KRT71: variants seen among roughly 807,000 people sequenced by gnomAD.
KRT71 encodes keratin 71.
A neutral mutation model predicts 46.2 loss-of-function variants in KRT71; 42 were observed. That is an observed-to-expected ratio of 0.91 (90% CI 0.71 to 1.18). The LOEUF (loss-of-function observed/expected upper bound fraction) is 1.18. Ranked by LOEUF, KRT71 falls within the 50% of genes most tolerant of loss-of-function variation. The pLI is 0.00. For synonymous variants in KRT71, 292 were observed against 277.8 expected, an observed-to-expected ratio of 1.05 and a Z score of -0.51; for missense variants, 708 against 677.9, an observed-to-expected ratio of 1.04 and a Z score of -0.49.
chr12:52,546,637 G>T, intron 6 of KRT71, 131 bp from the exon 7 acceptor site: 1 of 871,436 alleles, frequency 1.1e-6, no homozygotes, highest in African/African-American at 1.7e-5. Context: ...ACACTTCCTT[G>T]CAGCAGAGCC....
At chr12:52,550,342 C>A in intron 1 of KRT71, 99 bp from the exon 2 acceptor site, 3 of 1,408,584 alleles carry the variant, frequency 2.1e-6, no homozygotes, top group South Asian at 2.6e-5. Flanking sequence ...ATTTTCTCCT[C>A]AATAGAGCTG....
chr12:52,544,400 G>A lies in KRT71; in HGVS notation c.*132C>T, dbSNP rs184835046. 1.2e-4 allele frequency: 99 copies of A among 858,306 alleles called. No homozygotes were observed. Among genetic ancestry groups the A allele is most frequent in the Middle Eastern group, 8.5e-4 (3 of 3,514 alleles). 53.2% of individuals were successfully genotyped at this position (858,306 alleles called of 1,614,324 possible). A position where few individuals can be genotyped will look rare whatever the true frequency, so the allele number is the denominator to read the frequency against. On this transcript the variant is annotated 3_prime_UTR_variant, in exon 9 of 9. Transcript: ENST00000267119. ...AGACACAGGCTGGGAGAAGTGGGTG[G>A]CCAAGGCCAGTGCCAGGTGTATGGG...
chr12:52,547,735 C>T, intron 6 of KRT71, 122 bp downstream of exon 6: 2 of 1,251,196 alleles, frequency 1.6e-6, no homozygotes, highest in Non-Finnish European at 2.2e-6. Flanking sequence ...AGGCAGCGAC[C>T]TCACTGGCCT....
chr12:52,552,997 GC>G lies in KRT71; in HGVS notation c.80del (p.Gly27AlafsTer111), dbSNP rs764884198. 4 of 1,613,764 alleles carry G rather than the reference GC, an allele frequency of 2.5e-6. No homozygotes were observed. Among genetic ancestry groups the G allele is most frequent in the South Asian group, 1.1e-5 (1 of 91,030 alleles). On this transcript the variant is annotated frameshift_variant, in exon 1 of 9. Transcript: ENST00000267119. LOFTEE classifies it high-confidence loss of function. ...TCCCTGCCCGGAAGGAGGATGAGCT[GC>G]CCCCTGAGAGCACAGCTGAGCAGCC... ...FSGCSAVLSG[G>X]SSSSFRAGSK... is the part of the protein sequence containing the mutation.
Position 52,548,717 on chromosome 12 carries a change from C to A in KRT71, c.797G>T (p.Arg266Met). 6.2e-7 allele frequency: 1 copy of A among 1,614,184 alleles called. No homozygotes were observed. Among genetic ancestry groups the A allele is most frequent in the Non-Finnish European group, 8.5e-7 (1 of 1,180,002 alleles). The change falls in exon 4 of 9, where the codon AGG (arginine) becomes ATG (methionine). Residue 266 changes from arginine to methionine, a missense_variant. By Grantham distance (91) the Arg-to-Met change is moderately conservative. Coordinates refer to ENST00000267119, the MANE Select transcript of KRT71 (RefSeq NM_033448.3). ...CAGACTTACGGCTTCAAAGAGACAC[C>A]TGAAGAACTTGATCTCCTGGTCCAT... Reference protein sequence around the residue: ...ESMDQEIKFFRCLFEAEITQI... With the variant: ...ESMDQEIKFFMCLFEAEITQI...
chr12:52,548,284 G>A lies in KRT71; in HGVS notation c.846C>T (p.Asp282=). The A allele has an allele frequency of 6.2e-7, 1 of 1,613,798 alleles. No homozygotes were observed. The highest frequency in any genetic ancestry group is 8.5e-7 in the Non-Finnish European group (1 of 1,179,768). The change falls in exon 5 of 9, where the codon GAC becomes GAT. Residue 282 remains aspartate, a synonymous_variant. Transcript: ENST00000267119. The part of the protein sequence containing the change: ...EITQIQSHIS[D]MSVILSMDNN... ...TGTCCATGGACAGGATGACAGACAT[G>A]TCACTGATGTGGGACTGGATCTGAG...
rs1939200310 is a variant in KRT71 at position 52,552,964 on chromosome 12, C to G, written c.114G>C (p.Gly38=). Residue 38 remains glycine, a synonymous_variant, in exon 1 of 9, where the codon GGG becomes GGC. Transcript: ENST00000267119. ...SSSSFRAGSK[G]LSGGFGSRSL... is the part of the protein sequence containing the mutation. The stretch of plus-strand genomic sequence containing the variant: ...TCCGGCTGCCAAAGCCCCCACTGAG[C>G]CCTTTGCTCCCTGCCCGGAAGGAGG... 1.2e-6 allele frequency: 2 copies of G among 1,614,064 alleles called. No homozygotes were observed. Among genetic ancestry groups the G allele is most frequent in the Admixed American group, 3.3e-5 (2 of 60,008 alleles).
At chr12:52,549,044 T>A (rs1939112939) in intron 3 of KRT71, among the ~76,000 whole-genome samples, 1 of 152,226 alleles carries the variant, frequency 6.6e-6, no homozygotes, top group Non-Finnish European at 1.5e-5. Context: ...CCCTCAGTGT[T>A]GTCCTCTGTA....
chr12:52,551,896 C>G (rs1003109793), intron 1 of KRT71, among the ~76,000 whole-genome samples: 2 of 152,206 alleles, frequency 1.3e-5, no homozygotes, highest in African/African-American at 4.8e-5. Flanking sequence ...TTCCCTCCCC[C>G]ACATTCCAGA....
In KRT71 at chr12:52,548,757, C is replaced by A. The variant is rs550265027; in HGVS notation, c.757G>T (p.Ala253Ser). The change falls in exon 4 of 9, where the codon GCC becomes TCC. Residue 253 changes from alanine to serine, a missense_variant. Transcript: ENST00000267119. ...AAYANKVELQ[A>S]KVESMDQEIK... The stretch of plus-strand genomic sequence containing the variant: ...TCCTGGTCCATGGATTCCACCTTGG[C>A]CTGCAGTTCCACCTTATTGGCGTAA... 6.2e-7 allele frequency: 1 copy of A among 1,614,218 alleles called. No individual in the cohort carries two copies. The highest frequency in any genetic ancestry group is 8.5e-7 in the Non-Finnish European group (1 of 1,180,040).
At position 52,552,962 on chromosome 12, in the gene KRT71, A is replaced by G. The variant is rs751759889; in HGVS notation, c.116T>C (p.Leu39Pro). The G allele has an allele frequency of 1.9e-6, 3 of 1,614,018 alleles. No homozygotes were observed. Among genetic ancestry groups the G allele is most frequent in the African/African-American group, 1.3e-5 (1 of 74,930 alleles). ...SSSFRAGSKG[L>P]SGGFGSRSLY... ...GCTCCGGCTGCCAAAGCCCCCACTGAGCCCTTTGCTCCCTGCCCGGAAGGA... is the reference window on the plus strand; with the variant it reads ...GCTCCGGCTGCCAAAGCCCCCACTGGGCCCTTTGCTCCCTGCCCGGAAGGA... The change falls in exon 1 of 9, where the codon CTC becomes CCC. Residue 39 changes from leucine to proline, a missense_variant. Leu to Pro is a moderately conservative substitution (Grantham distance 98). Transcript: ENST00000267119.
At position 52,552,911 on chromosome 12, in the gene KRT71, C is replaced by A. The variant is rs532689963; in HGVS notation, c.167G>T (p.Ser56Ile). The change falls in exon 1 of 9, where the codon AGC (serine) becomes ATC (isoleucine). Residue 56 changes from serine (S) to isoleucine (I), a missense_variant. Ser to Ile is a moderately radical substitution (Grantham distance 142). Transcript: ENST00000267119. ...RSLYSLGGVRSLNVASGSGKS... is the reference protein window; with the variant it reads ...RSLYSLGGVRILNVASGSGKS... ...CCCGCTGCCACTGGCCACATTGAGG[C>A]TCCGGACACCCCCCAGGCTGTAGAG... 11 of 1,614,170 alleles carry A rather than the reference C, an allele frequency of 6.8e-6. No individual in the cohort carries two copies. In the African/African-American group the frequency reaches 8.0e-5, roughly 12 times the overall value.
Position 52,548,207 on chromosome 12 carries a change from T to C in KRT71, c.923A>G (p.Tyr308Cys). The C allele has an allele frequency of 1.2e-6, 2 of 1,614,190 alleles. No homozygotes were observed. The highest frequency in any genetic ancestry group is 1.7e-6 in the Non-Finnish European group (2 of 1,180,010). The change falls in exon 5 of 9, where the codon TAT becomes TGT. Residue 308 changes from tyrosine (Y) to cysteine (C), a missense_variant. Coordinates refer to ENST00000267119, the MANE Select transcript of KRT71 (RefSeq NM_033448.3). ...CTTACTCTTCAAGGCAATCTCCTCATACTGGGTGCGGACTTCGTCAATGAT... is the reference window on the plus strand; with the variant it reads ...CTTACTCTTCAAGGCAATCTCCTCACACTGGGTGCGGACTTCGTCAATGAT... Reference protein sequence around the residue: ...DSIIDEVRTQYEEIALKSKAE... With the variant: ...DSIIDEVRTQCEEIALKSKAE...
In KRT71 at chr12:52,544,749, G is replaced by C; in HGVS notation, c.1361-6C>G. Reference sequence around the variant, plus strand: ...ACTGGTGCTGCTGATGATGGCTGCAGGAGGAGCCGAAGCCAACACCCACTC... The same window carrying C: ...ACTGGTGCTGCTGATGATGGCTGCACGAGGAGCCGAAGCCAACACCCACTC... On this transcript the variant is annotated splice_region_variant and splice_polypyrimidine_tract_variant and intron_variant, in intron 8 of 8. Transcript: ENST00000267119. 1 of 1,605,946 alleles carries C rather than the reference G, an allele frequency of 6.2e-7. No individual in the cohort carries two copies.
At chr12:52,546,614 T>G in intron 6 of KRT71, 108 bp from the exon 7 acceptor site, 1 of 1,040,688 alleles carries the variant, frequency 9.6e-7, no homozygotes, top group Non-Finnish European at 1.4e-6. Context: ...GCCTCCACCC[T>G]ACACACACCA....
At chr12:52,548,029 T>C (rs1214631908) in intron 5 of KRT71, 47 bp from the exon 6 acceptor site, 3 of 1,610,304 alleles carry the variant, frequency 1.9e-6, no homozygotes, top group South Asian at 1.1e-5. Flanking sequence ...TGGGAGTGCA[T>C]GTATCTTGGG....
intron 1 of KRT71, 35 bp downstream of exon 1, chr12:52,552,602 C>A: frequency 6.4e-7 from 1 of 1,569,628 alleles, no homozygotes. Context: ...AAGAGGAGGG[C>A]TGTTCACAAG....
rs747153758 is a variant in KRT71, at chr12:52,548,331, GA to G, written c.814-16del. The G allele has an allele frequency of 3.1e-6, 5 of 1,596,896 alleles. No homozygotes were observed. In the South Asian group the frequency reaches 5.7e-5, roughly 18 times the overall value. Reference sequence around the variant, plus strand: ...TGAGTGATCTCCTGCAGGGGACACAGAAATGGTCTCTCGGCTCAACTGCTGT... The same window carrying G: ...TGAGTGATCTCCTGCAGGGGACACAGAATGGTCTCTCGGCTCAACTGCTGT... On this transcript the variant is annotated splice_polypyrimidine_tract_variant and intron_variant, in intron 4 of 8. Coordinates refer to ENST00000267119, the MANE Select transcript of KRT71 (RefSeq NM_033448.3).
rs1394167835 is a variant in KRT71 at position 52,544,068 on chromosome 12, G to C, written c.*464C>G. On this transcript the variant is annotated 3_prime_UTR_variant, in exon 9 of 9. Coordinates refer to ENST00000267119, the MANE Select transcript of KRT71 (RefSeq NM_033448.3). Reference sequence around the variant, plus strand: ...ACTCAGATTTGAGACTGAGCTAGATGTGGGGGTGGGGACTGGGCCACTCTT... The same window carrying C: ...ACTCAGATTTGAGACTGAGCTAGATCTGGGGGTGGGGACTGGGCCACTCTT... 1 of 175,682 alleles carries C rather than the reference G, an allele frequency of 5.7e-6. No individual in the cohort carries two copies. Among genetic ancestry groups the C allele is most frequent in the Admixed American group, 5.5e-5 (1 of 18,306 alleles). 10.9% of individuals were successfully genotyped at this position (175,682 alleles called of 1,614,324 possible).
Sources: gnomAD v4.1 joint callset for allele counts (sites outside exome capture counted in the v4.1 genomes callset) on GRCh38, gnomAD v4.1.1 for gene constraint, MANE v1.5 for transcripts, NCBI Gene and HGNC (gene_info 2026-07-23, HGNC 2026-07-21) for gene names.